Variants in PCDHGA1 observed in about 807,000 individuals in gnomAD.
PCDHGA1 encodes the protein protocadherin gamma-A1.
PCDHGA1 carries 32 observed loss-of-function variants against 58.0 expected under a neutral mutation model. The ratio of observed to expected loss-of-function variants is 0.55; its 90% CI spans 0.42 to 0.74. The LOEUF (loss-of-function observed/expected upper bound fraction) is 0.74. Among genes scored for constraint, PCDHGA1 ranks in the 30% least tolerant of loss-of-function variants. The probability of loss-of-function intolerance (pLI) is 0.00; values close to 1 mark genes in which losing one functional copy is unlikely to be tolerated. For synonymous variants in PCDHGA1, 498 were observed against 501.1 expected, an observed-to-expected ratio of 0.99 and a Z score of 0.08; for missense variants, 1,205 against 1,182.3, an observed-to-expected ratio of 1.02 and a Z score of -0.28.
chr5:141,331,729 A>G lies in PCDHGA1; in HGVS notation c.1045A>G (p.Ile349Val), dbSNP rs1389293327. 3 of 1,613,956 alleles carry G rather than the reference A, an allele frequency of 1.9e-6. No homozygotes were observed. Among genetic ancestry groups the G allele is most frequent in the Admixed American group, 1.7e-5 (1 of 60,010 alleles). ...AAATGATAATGCCCCAGAAGTGACC[A>G]TCACCTCTGTCACCACTGCAGTTCC... ...DVNDNAPEVTITSVTTAVPEN... is the reference protein window; with the variant it reads ...DVNDNAPEVTVTSVTTAVPEN... The change falls in exon 1 of 4, where the codon ATC becomes GTC. Residue 349 changes from isoleucine to valine, a missense_variant. Coordinates refer to ENST00000517417, the MANE Select transcript of PCDHGA1 (RefSeq NM_018912.3).
At chr5:141,402,753 A>G (rs914241458) in intron 1 of PCDHGA1, among the ~76,000 whole-genome samples, 8 of 152,326 alleles carry the variant, frequency 5.3e-5, no homozygotes, top group Admixed American at 5.2e-4. Context: ...CTCTAAGCGA[A>G]AATCAGGACT....
chr5:141,375,344 A>G lies in PCDHGA1; in HGVS notation c.2421+42239A>G, dbSNP rs777877762. 4 of 1,613,836 alleles carry G rather than the reference A, an allele frequency of 2.5e-6. No individual in the cohort carries two copies. The Admixed American group carries it at 6.7e-5, about 27-fold the overall frequency. Reference sequence around the variant, plus strand: ...GGAAGAGGTATTCTTGTACAACATCACTGTGACAGCCACGGACAAAGGAAC... The same window carrying G: ...GGAAGAGGTATTCTTGTACAACATCGCTGTGACAGCCACGGACAAAGGAAC... On this transcript the variant is annotated intron_variant, in intron 1 of 3. Coordinates refer to ENST00000517417, the MANE Select transcript of PCDHGA1 (RefSeq NM_018912.3).
chr5:141,477,845 G>A lies in PCDHGA1; in HGVS notation c.2422-16962G>A, dbSNP rs1164464559. On this transcript the variant is annotated intron_variant, in intron 1 of 3. Transcript: ENST00000517417. This position sits in a 1 kb window ranked among gnomAD's most constrained non-coding sequence, Gnocchi z 4.9. ...ATATCCTCGGCCAGGTGGGAGCTCGGTGGAGATGCTGCCTCGAGGTACCTC... is the reference window on the plus strand; with the variant it reads ...ATATCCTCGGCCAGGTGGGAGCTCGATGGAGATGCTGCCTCGAGGTACCTC... 11 of 1,614,040 alleles carry A rather than the reference G, an allele frequency of 6.8e-6. No individual in the cohort carries two copies. The highest frequency in any genetic ancestry group is 9.3e-6 in the Non-Finnish European group (11 of 1,180,036).
intron 1 of PCDHGA1, among the ~76,000 whole-genome samples, chr5:141,483,322 G>C (rs1325809962): frequency 1.3e-5 from 2 of 152,110 alleles, no homozygotes. Flanking sequence ...TGGGACTGGA[G>C]GCAAAGAGAT....
Position 141,331,070 on chromosome 5 carries a change from A to G in PCDHGA1, c.386A>G (p.Asn129Ser), listed in dbSNP as rs770686189. Residue 129 changes from asparagine to serine, a missense_variant, in exon 1 of 4, where the codon AAC becomes AGC. Coordinates refer to ENST00000517417, the MANE Select transcript of PCDHGA1 (RefSeq NM_018912.3). The part of the protein sequence containing the change: ...VEVEIIDIND[N>S]TPQFQLEELE... ...GTAGAAATAATTGATATTAATGACA[A>G]CACTCCCCAATTCCAGTTAGAGGAA... The G allele has an allele frequency of 3.1e-6, 5 of 1,613,928 alleles. No homozygotes were observed. The highest frequency in any genetic ancestry group is 4.2e-6 in the Non-Finnish European group (5 of 1,179,976).
At chr5:141,386,203 G>A (rs2090496623) in intron 1 of PCDHGA1, among the ~76,000 whole-genome samples, 1 of 152,140 alleles carries the variant, frequency 6.6e-6, no homozygotes, top group Non-Finnish European at 1.5e-5. Flanking sequence ...TAGACCAGTA[G>A]TTGATTTTAT....
intron 1 of PCDHGA1, chr5:141,430,604 A>C (rs1288378907): frequency 7.8e-6 from 5 of 641,158 alleles, no homozygotes; most frequent in Non-Finnish European, 1.2e-5. Context: ...CGCCTGAAGC[A>C]CAAAGCAGAT....
At chr5:141,386,521 A>AT (rs1458324675) in intron 1 of PCDHGA1, among the ~76,000 whole-genome samples, 1 of 232 alleles carries the variant, frequency 4.3e-3, no homozygotes, top group African/African-American at 0.013. Context: ...TCAAAAAAAG[A>AT]CTCTTTTTAG....
At chr5:141,343,363 T>C in intron 1 of PCDHGA1, 2 of 981,050 alleles carry the variant, frequency 2.0e-6, no homozygotes, top group African/African-American at 1.8e-5. Flanking sequence ...GAGTTAAGAG[T>C]ATAGAGAGGG....
chr5:141,450,838 T>A (rs2098698352), intron 1 of PCDHGA1, among the ~76,000 whole-genome samples: 1 of 149,278 alleles, frequency 6.7e-6, no homozygotes, highest in African/African-American at 2.5e-5. Flanking sequence ...TATTTTTTTT[T>A]TTTTGAGATG....
intron 3 of PCDHGA1, among the ~76,000 whole-genome samples, chr5:141,506,799 A>G (rs1026030023): frequency 5.3e-5 from 8 of 152,198 alleles, no homozygotes; most frequent in Admixed American, 3.9e-4. Flanking sequence ...CTGGCAGAGG[A>G]TCAAGGCATT....
At chr5:141,433,951 A>G (rs2097667078) in intron 1 of PCDHGA1, among the ~76,000 whole-genome samples, 1 of 152,032 alleles carries the variant, frequency 6.6e-6, no homozygotes, top group African/African-American at 2.4e-5. Context: ...TGTTTCTTCT[A>G]CAGTTGTTAA....
intron 1 of PCDHGA1, among the ~76,000 whole-genome samples, chr5:141,461,288 A>G (rs1049761514): frequency 2.0e-5 from 3 of 152,092 alleles, no homozygotes; most frequent in Admixed American, 1.3e-4. Flanking sequence ...CCCCACATCC[A>G]CACCAACATC....
chr5:141,438,659 T>C (rs1290256383), intron 1 of PCDHGA1, among the ~76,000 whole-genome samples: 1 of 141,194 alleles, frequency 7.1e-6, no homozygotes, highest in East Asian at 2.1e-4. Flanking sequence ...CACATATATG[T>C]ATATATATAT....
chr5:141,489,894 G>A lies in PCDHGA1; in HGVS notation c.2422-4913G>A, dbSNP rs942456058. 33 of 1,614,204 alleles carry A rather than the reference G, an allele frequency of 2.0e-5. No individual in the cohort carries two copies. The highest frequency in any genetic ancestry group is 2.4e-5 in the Non-Finnish European group (28 of 1,180,028). Reference sequence around the variant, plus strand: ...TGGTGCTTACTGCTGTGGATGGGGGGACCCCAGCCCGCTCAGGGACCACCC... The same window carrying A: ...TGGTGCTTACTGCTGTGGATGGGGGAACCCCAGCCCGCTCAGGGACCACCC... On this transcript the variant is annotated intron_variant, in intron 1 of 3. Coordinates refer to ENST00000517417, the MANE Select transcript of PCDHGA1 (RefSeq NM_018912.3). This position sits in a 1 kb window ranked among gnomAD's most constrained non-coding sequence, Gnocchi z 4.5.
At chr5:141,362,475 C>T (rs377414044) in intron 1 of PCDHGA1, 12 of 1,613,908 alleles carry the variant, frequency 7.4e-6, no homozygotes, top group African/African-American at 1.3e-5. Flanking sequence ...CGCAAGATCT[C>T]GTCTGTGACA....
At chr5:141,451,812 C>T (rs974567828) in intron 1 of PCDHGA1, among the ~76,000 whole-genome samples, 1 of 149,686 alleles carries the variant, frequency 6.7e-6, no homozygotes, top group Non-Finnish European at 1.5e-5. Context: ...ACCCAGGAGG[C>T]GGAGGTTACA....
At chr5:141,389,638 T>C in intron 1 of PCDHGA1, 1 of 1,612,986 alleles carries the variant, frequency 6.2e-7, no homozygotes, top group Non-Finnish European at 8.5e-7. Flanking sequence ...CCTGGCTACT[T>C]GGTGACCAAG....
intron 1 of PCDHGA1, among the ~76,000 whole-genome samples, chr5:141,469,723 C>G (rs2099209474): frequency 6.6e-6 from 1 of 152,210 alleles, no homozygotes; most frequent in Non-Finnish European, 1.5e-5. Context: ...AGGAATTTAT[C>G]ATAAATACAC....
Sources: allele counts gnomAD v4.1 joint callset (sites outside exome capture counted in the v4.1 genomes callset), GRCh38; gene constraint gnomAD v4.1.1; non-coding constraint Gnocchi (gnomAD v3.1); transcripts MANE v1.5; gene names NCBI Gene and HGNC (gene_info 2026-07-23, HGNC 2026-07-21).